ADCK1: variants seen among roughly 807,000 people sequenced by gnomAD.
ADCK1 encodes aarF domain-containing protein kinase 1.
Under a neutral mutation model 52.3 loss-of-function variants are expected in ADCK1, and 41 were observed. The ratio of observed to expected loss-of-function variants is 0.78; its 90% confidence interval spans 0.61 to 1.02. The LOEUF is 1.02. Ranked by LOEUF, ADCK1 falls within the 50% of genes least tolerant of loss-of-function variation. The pLI, the probability that ADCK1 is intolerant of heterozygous loss-of-function variation, is 0.00. For synonymous variants in ADCK1, 250 were observed against 274.6 expected, an observed-to-expected ratio of 0.91 and a Z score of 0.89; for missense variants, 658 against 679.5, an observed-to-expected ratio of 0.97 and a Z score of 0.35.
chr14:77,845,449 G>T (rs2082155607), intron 3 of ADCK1, among the ~76,000 whole-genome samples: 1 of 151,978 alleles, frequency 6.6e-6, no homozygotes, highest in Non-Finnish European at 1.5e-5. Context: ...TTGAGACTGG[G>T]TCTTGCTCTG....
rs757936963 is a variant in ADCK1 at position 77,933,440 on chromosome 14, C to T, written c.*49C>T. ...TTCTGGTGTCTTTCCACTCCTCAGC[C>T]CCTCATCTTGCCTCCACCCAGCTGC... On this transcript the variant is annotated 3_prime_UTR_variant, in exon 11 of 11. Transcript: ENST00000238561. 1.4e-4 allele frequency: 218 copies of T among 1,598,974 alleles called. 1 individual carries two copies. In the Admixed American group the frequency reaches 3.5e-3, roughly 26 times the overall value.
chr14:77,887,379 C>G (rs1376353734), intron 5 of ADCK1, 130 bp downstream of exon 5: 5 of 1,074,502 alleles, frequency 4.7e-6, no homozygotes, highest in Non-Finnish European at 5.0e-6. Flanking sequence ...GAGAGGAGAG[C>G]TGAGATTACG....
chr14:77,839,983 C>CG (rs1289468572), intron 3 of ADCK1, among the ~76,000 whole-genome samples: 5 of 149,132 alleles, frequency 3.4e-5, no homozygotes, highest in African/African-American at 1.2e-4. Context: ...CTGGGGTACT[C>CG]GGGGCAGGGA....
chr14:77,909,618 G>C (rs2083747843), intron 7 of ADCK1, among the ~76,000 whole-genome samples: 1 of 152,146 alleles, frequency 6.6e-6, no homozygotes, highest in African/African-American at 2.4e-5. Context: ...CCATGTGACT[G>C]CTGTAAATGG....
At position 77,931,697 on chromosome 14, in the gene ADCK1, C is replaced by T. The variant is rs2140307628; in HGVS notation, c.1386C>T (p.Ile462=). The T allele has an allele frequency of 6.2e-7, 1 of 1,603,848 alleles. No homozygotes were observed. Among genetic ancestry groups the T allele is most frequent in the Non-Finnish European group, 8.5e-7 (1 of 1,179,904 alleles). ...SSFLNMSRCC[I]RALAEHKKKN... is the part of the protein sequence containing the mutation. ...TTCTCAACATGTCACGTTGCTGCAT[C>T]AGAGCGCTAGCTGAGTGAGTGTGGG... The change falls in exon 10 of 11, where the codon ATC becomes ATT. Residue 462 remains isoleucine (I), a synonymous_variant. Transcript: ENST00000238561.
In ADCK1 at chr14:77,877,256, T is replaced by G. The variant is rs1292900112; in HGVS notation, c.424-9835T>G. Among the ~76,000 whole-genome samples the G allele has an allele frequency of 2.0e-5, 3 of 152,332 alleles. No homozygotes were observed. The East Asian group carries it at 5.8e-4, about 29-fold the overall frequency. On this transcript the variant is annotated intron_variant, in intron 4 of 10. Coordinates refer to ENST00000238561, the MANE Select transcript of ADCK1 (RefSeq NM_020421.4). ...ACAAAGGGCTTTGGTATTTACTTGC[T>G]TTTGGCTCCGAGGCAAGCATCATAG...
intron 5 of ADCK1, among the ~76,000 whole-genome samples, chr14:77,888,393 A>G (rs1422492926): frequency 6.6e-6 from 1 of 152,190 alleles, no homozygotes; most frequent in Non-Finnish European, 1.5e-5. Context: ...CACTCACTAC[A>G]TATTTGTGGA....
chr14:77,837,153 C>CTTT (rs148898631), intron 3 of ADCK1, among the ~76,000 whole-genome samples: 76 of 141,016 alleles, frequency 5.4e-4, no homozygotes, highest in South Asian at 2.1e-3. Flanking sequence ...CTTAAAAATT[C>CTTT]TTTTTTTTTT....
chr14:77,807,660 C>G (rs112879060), intron 1 of ADCK1, among the ~76,000 whole-genome samples: 1 of 152,080 alleles, frequency 6.6e-6, no homozygotes, highest in African/African-American at 2.4e-5. Flanking sequence ...CAGGCATGTG[C>G]CACCACGCCC....
intron 1 of ADCK1, among the ~76,000 whole-genome samples, chr14:77,809,209 T>C (rs2140000831): frequency 6.6e-6 from 1 of 152,260 alleles, no homozygotes; most frequent in East Asian, 1.9e-4. Flanking sequence ...ATGACCAAGA[T>C]AACTTGAGTG....
In ADCK1 at chr14:77,921,500, C is replaced by T. The variant is rs556393950; in HGVS notation, c.859-2957C>T. On this transcript the variant is annotated intron_variant, in intron 7 of 10. Coordinates refer to ENST00000238561, the MANE Select transcript of ADCK1 (RefSeq NM_020421.4). ...GCAGGTGGGGTTAGTCCCACGTAGC[C>T]GCTAAGGGAACTTGGACCCAGACTG... 5.3e-5 allele frequency among the ~76,000 whole-genome samples: 8 copies of T among 152,044 alleles called. No homozygotes were observed. The East Asian group carries it at 9.6e-4, about 18-fold the overall frequency.
intron 1 of ADCK1, among the ~76,000 whole-genome samples, chr14:77,807,193 C>A (rs1261274352): frequency 6.6e-6 from 1 of 151,014 alleles, no homozygotes; most frequent in African/African-American, 2.4e-5. Context: ...CTCAGCCTCC[C>A]AAGTAGCTGG....
chr14:77,887,325 G>T, intron 5 of ADCK1, 76 bp downstream of exon 5: 1 of 1,440,586 alleles, frequency 6.9e-7, no homozygotes, highest in Non-Finnish European at 9.2e-7. Flanking sequence ...AGGTGGAACT[G>T]GTTCAAGCTG....
intron 8 of ADCK1, 113 bp from the exon 9 acceptor site, chr14:77,925,651 T>C (rs2084171954): frequency 9.8e-7 from 1 of 1,020,480 alleles, no homozygotes; most frequent in African/African-American, 1.6e-5. Flanking sequence ...ACAGATGTCG[T>C]GGGAAGGCAC....
rs931029925 is a variant in ADCK1, at chr14:77,859,247, C to T, written c.391C>T (p.Arg131Cys). The change falls in exon 4 of 11, where the codon CGC (arginine) becomes TGC (cysteine). Residue 131 changes from arginine (R) to cysteine (C), a missense_variant. Physicochemically the swap from Arg to Cys is radical, Grantham distance 180. Transcript: ENST00000238561. ...QAPQSSMQEI[R>C]QVIREDLGKE... ...TCCACAGAGCAGCATGCAAGAGATC[C>T]GCCAGGTCATCCGAGAAGATCTGGG... is the stretch of plus-strand genomic sequence containing the variant. 28 of 1,613,742 alleles carry T rather than the reference C, an allele frequency of 1.7e-5. No homozygotes were observed. Among genetic ancestry groups the T allele is most frequent in the Non-Finnish European group, 2.1e-5 (25 of 1,179,932 alleles).
intron 3 of ADCK1, among the ~76,000 whole-genome samples, chr14:77,856,041 CT>C (rs2082410171): frequency 6.6e-6 from 1 of 152,046 alleles, no homozygotes; most frequent in South Asian, 2.1e-4. Context: ...GAAACCCCTT[CT>C]CTACTAAAAA....
intron 4 of ADCK1, among the ~76,000 whole-genome samples, chr14:77,869,174 C>T (rs1046389483): frequency 9.2e-5 from 14 of 152,262 alleles, no homozygotes; most frequent in African/African-American, 2.4e-4. Flanking sequence ...TTGGTTTTCT[C>T]GGGCTAGCCG....
intron 1 of ADCK1, among the ~76,000 whole-genome samples, chr14:77,803,462 ATTT>A (rs1310571380): frequency 6.6e-6 from 1 of 152,148 alleles, no homozygotes; most frequent in Non-Finnish European, 1.5e-5. Flanking sequence ...TTGGTTTCCC[ATTT>A]AGTTCTGTCA....
rs10549011 is a variant in ADCK1 at position 77,820,639 on chromosome 14, C to CGTGTGT, written c.135+1551_135+1556dup. On this transcript the variant is annotated intron_variant, in intron 2 of 10. Coordinates refer to ENST00000238561, the MANE Select transcript of ADCK1 (RefSeq NM_020421.4). Reference sequence around the variant, plus strand: ...GAGCCATTGTGCCAGGCCAATTTTACGTGTGTGTGTGTGTGTGTGTGTGTG... The same window carrying CGTGTGT: ...GAGCCATTGTGCCAGGCCAATTTTACGTGTGTGTGTGTGTGTGTGTGTGTGTGTGTG... Among the ~76,000 whole-genome samples the CGTGTGT allele has an allele frequency of 3.7e-4, 55 of 148,912 alleles. 1 individual carries two copies. The highest frequency in any genetic ancestry group is 1.1e-3 in the African/African-American group (46 of 40,290).
Sources: allele counts gnomAD v4.1 joint callset (sites outside exome capture counted in the v4.1 genomes callset), GRCh38; gene constraint gnomAD v4.1.1; transcripts MANE v1.5; gene names NCBI Gene and HGNC (gene_info 2026-07-23, HGNC 2026-07-21).